The following SHROOM2 variants were observed in gnomAD, a reference collection of about 807,000 sequenced individuals.
The protein encoded by SHROOM2 is shroom family member 2, also known as protein Shroom2.
A neutral mutation model predicts 75.9 loss-of-function variants in SHROOM2; 33 were observed. The observed-to-expected ratio is 0.43, with a 90% CI of 0.33 to 0.58. SHROOM2 has a LOEUF of 0.58. SHROOM2 is among the 20% of genes least tolerant of loss of function. The pLI, the probability that SHROOM2 is intolerant of heterozygous loss-of-function variation, is 0.04. For synonymous variants in SHROOM2, 655 were observed against 663.6 expected, an observed-to-expected ratio of 0.99 and a Z score of 0.20; for missense variants, 1,434 against 1,461.2, an observed-to-expected ratio of 0.98 and a Z score of 0.30.
chrX:9,875,310 G>A (rs939258927), intron 2 of SHROOM2, among the ~76,000 whole-genome samples: 1 of 109,250 alleles, frequency 9.2e-6, no homozygotes, highest in African/African-American at 3.3e-5. Context: ...TGTGATCACC[G>A]TCTTAACCCT....
At chrX:9,946,418 A>G (rs1193112254) in intron 9 of SHROOM2, among the ~76,000 whole-genome samples, 4 of 112,833 alleles carry the variant, frequency 3.5e-5, no homozygotes. Context: ...AGGCTCAGAC[A>G]GCAAGAGGAA....
intron 5 of SHROOM2, among the ~76,000 whole-genome samples, chrX:9,920,450 A>G (rs2084535079): frequency 8.9e-6 from 1 of 112,087 alleles, no homozygotes; most frequent in Admixed American, 9.5e-5. Context: ...AAATTCATAC[A>G]TTGCTTGTTA....
At chrX:9,933,232 T>C (rs1227242564) in intron 6 of SHROOM2, among the ~76,000 whole-genome samples, 1 of 111,334 alleles carries the variant, frequency 9.0e-6, no homozygotes, top group Non-Finnish European at 1.9e-5. Flanking sequence ...TATTTGTGAT[T>C]GGAATCGAGT....
chrX:9,910,638 G>A (rs1220193092), intron 5 of SHROOM2, among the ~76,000 whole-genome samples: 10 of 109,527 alleles, frequency 9.1e-5, no homozygotes, highest in Non-Finnish European at 1.7e-4. Context: ...CCAACATGGT[G>A]AAACCCCGTC....
intron 1 of SHROOM2, among the ~76,000 whole-genome samples, chrX:9,837,579 G>A (rs748580137): frequency 1.8e-5 from 2 of 112,560 alleles, no homozygotes; most frequent in East Asian, 5.6e-4. Flanking sequence ...GTGGCGGGGA[G>A]GCTCACAGGA....
At chrX:9,919,573 G>GC (rs1470685615) in intron 5 of SHROOM2, among the ~76,000 whole-genome samples, 2 of 109,178 alleles carry the variant, frequency 1.8e-5, no homozygotes, top group Non-Finnish European at 3.8e-5. Context: ...CTCGTGATCT[G>GC]CCCCCCTCAG....
At chrX:9,900,405 C>T (rs750966060) in intron 5 of SHROOM2, among the ~76,000 whole-genome samples, 8 of 112,111 alleles carry the variant, frequency 7.1e-5, no homozygotes, top group African/African-American at 2.6e-4. Flanking sequence ...ATCTAGAATA[C>T]AAAGGTTTGA....
At chrX:9,860,972 T>A (rs1172339136) in intron 1 of SHROOM2, among the ~76,000 whole-genome samples, 1 of 111,795 alleles carries the variant, frequency 8.9e-6, no homozygotes, top group Non-Finnish European at 1.9e-5. Flanking sequence ...CTATGTGACA[T>A]ATCTGGAATA....
At chrX:9,792,057 AATAG>A (rs2083657735) in intron 1 of SHROOM2, among the ~76,000 whole-genome samples, 2 of 2,985 alleles carry the variant, frequency 6.7e-4, no homozygotes, top group African/African-American at 9.6e-4. Context: ...AATAGAATAG[AATAG>A]AATAGAATAG....
At chrX:9,848,300 C>G (rs7064923) in intron 1 of SHROOM2, among the ~76,000 whole-genome samples, 5,815 of 104,279 alleles carry the variant, frequency 0.056, 415 homozygotes, top group African/African-American at 0.18. Flanking sequence ...GTCAGGAGAT[C>G]GAGACCATCC....
chrX:9,890,649 C>T (rs763566003), intron 2 of SHROOM2, among the ~76,000 whole-genome samples: 14 of 112,354 alleles, frequency 1.2e-4, no homozygotes, highest in African/African-American at 4.5e-4. Context: ...CCCCAAGCCC[C>T]CTGCACTGTT....
At chrX:9,863,375 C>T (rs1488168782) in intron 1 of SHROOM2, among the ~76,000 whole-genome samples, 1 of 110,711 alleles carries the variant, frequency 9.0e-6, no homozygotes, top group African/African-American at 3.3e-5. Context: ...ACTCCCTTGG[C>T]CTGTGTGTCC....
chrX:9,866,354 G>A (rs1023618719), intron 1 of SHROOM2, among the ~76,000 whole-genome samples: 5 of 110,279 alleles, frequency 4.5e-5, no homozygotes, highest in Non-Finnish European at 7.6e-5. Context: ...GGAAAGCGAA[G>A]CATTGTTGAG....
chrX:9,910,227 T>G (rs6638979), intron 5 of SHROOM2, among the ~76,000 whole-genome samples: 56,166 of 109,681 alleles, frequency 0.51, 12,937 homozygotes, highest in African/African-American at 0.87. Context: ...AGAACATTGA[T>G]TAAACAGAAA....
In SHROOM2 at chrX:9,839,672, C is replaced by T. The variant is rs148861737; in HGVS notation, c.166-33980C>T. Among the ~76,000 whole-genome samples the T allele has an allele frequency of 6.0e-4, 67 of 111,867 alleles. No homozygotes were observed. The East Asian group carries it at 0.018, about 30-fold the overall frequency. Reference sequence around the variant, plus strand: ...CTTGGAATAACCATTCTGAGATGTGCCCGTGTTGTCAGATGGATCAAGAGC... The same window carrying T: ...CTTGGAATAACCATTCTGAGATGTGTCCGTGTTGTCAGATGGATCAAGAGC... On this transcript the variant is annotated intron_variant, in intron 1 of 9. Coordinates refer to ENST00000380913, the MANE Select transcript of SHROOM2 (RefSeq NM_001649.4).
chrX:9,822,304 G>A (rs201011304), intron 1 of SHROOM2, among the ~76,000 whole-genome samples: 57 of 111,800 alleles, frequency 5.1e-4, no homozygotes, highest in Non-Finnish European at 6.8e-4. Flanking sequence ...TTAGGGGAAG[G>A]GGGGAGGAGG....
chrX:9,884,934 G>C (rs745863333), intron 2 of SHROOM2, among the ~76,000 whole-genome samples: 1 of 111,843 alleles, frequency 8.9e-6, no homozygotes, highest in East Asian at 2.8e-4. Context: ...CCTGGGCTGG[G>C]TGTGGTGGCT....
intron 5 of SHROOM2, among the ~76,000 whole-genome samples, chrX:9,931,071 C>T (rs73476623): frequency 0.029 from 3,193 of 111,020 alleles, 111 homozygotes; most frequent in African/African-American, 0.1. Flanking sequence ...ACACTTCAAG[C>T]TAGGAGTTTC....
intron 1 of SHROOM2, among the ~76,000 whole-genome samples, chrX:9,792,454 G>GT (rs34640554): frequency 0.41 from 40,473 of 97,796 alleles, 6,591 homozygotes; most frequent in Non-Finnish European, 0.49. Context: ...GTTTTTTTGT[G>GT]TTGTTTTTTT....
Sources: allele counts gnomAD v4.1 joint callset (sites outside exome capture counted in the v4.1 genomes callset), GRCh38; gene constraint gnomAD v4.1.1; transcripts MANE v1.5; gene names NCBI Gene and HGNC (gene_info 2026-07-23, HGNC 2026-07-21).